The following UNC13B variants were observed in gnomAD, a reference collection of about 807,000 sequenced individuals.
UNC13B encodes the protein unc-13 homolog B.
A neutral mutation model predicts 211.0 loss-of-function variants in UNC13B; 144 were observed. That is an observed-to-expected ratio of 0.68 (90% confidence interval 0.60 to 0.78). The LOEUF (loss-of-function observed/expected upper bound fraction) is 0.78. Ranked by LOEUF, UNC13B falls within the 30% of genes least tolerant of loss-of-function variation. The pLI, the probability that UNC13B is intolerant of heterozygous loss-of-function variation, is 0.00. For missense variants in UNC13B, 1,777 were observed against 2,002.0 expected (o/e 0.89, Z 2.14); for synonymous variants, 709 against 725.8 (o/e 0.98, Z 0.37).
chr9:35,399,599 C>G (rs1251649548), intron 35 of UNC13B, 50 bp from the exon 36 acceptor site: 3 of 1,609,424 alleles, frequency 1.9e-6, no homozygotes, highest in Non-Finnish European at 2.6e-6. Flanking sequence ...GGGTGCAAGA[C>G]TTTCATGACT....
intron 10 of UNC13B, among the ~76,000 whole-genome samples, chr9:35,312,937 G>A (rs923433188): frequency 6.6e-6 from 1 of 152,120 alleles, no homozygotes; most frequent in Non-Finnish European, 1.5e-5. Context: ...TTCTTTCTTG[G>A]CACTTTTCAT....
In UNC13B at chr9:35,389,972, C is replaced by A; in HGVS notation, c.11221C>A (p.Gln3741Lys). The change falls in exon 25 of 40, where the codon CAG becomes AAG. Residue 3741 changes from glutamine (Q) to lysine (K), a missense_variant and splice_region_variant. Physicochemically the swap from Gln to Lys is moderately conservative, Grantham distance 53 (BLOSUM62 1). Coordinates refer to ENST00000635942, the MANE Select transcript of UNC13B (RefSeq NM_001371189.2). ...GAATTCCTACACACCTGTTCTGAAC[C>A]AGTGAGTATCACCCTCTTTGGCCCT... is the stretch of plus-strand genomic sequence containing the variant. ...DKNSYTPVLN[Q>K]FPQELNVGKV... is the part of the protein sequence containing the mutation. 6.2e-7 allele frequency: 1 copy of A among 1,613,992 alleles called. No homozygotes were observed. Among genetic ancestry groups the A allele is most frequent in the South Asian group, 1.1e-5 (1 of 91,060 alleles).
chr9:35,256,458 G>A (rs1266208947), intron 6 of UNC13B, among the ~76,000 whole-genome samples: 1 of 152,160 alleles, frequency 6.6e-6, no homozygotes, highest in African/African-American at 2.4e-5. Flanking sequence ...AAAGTATGCT[G>A]TTTGCCATGG....
intron 16 of UNC13B, 67 bp from the exon 17 acceptor site, chr9:35,378,228 C>T: frequency 6.3e-7 from 1 of 1,597,314 alleles, no homozygotes; most frequent in Non-Finnish European, 8.6e-7. Flanking sequence ...AGATGGAAAG[C>T]ATATGAGTAG....
intron 36 of UNC13B, 69 bp from the exon 37 acceptor site, chr9:35,400,227 G>A: frequency 1.3e-6 from 2 of 1,579,626 alleles, no homozygotes; most frequent in South Asian, 2.4e-5. Context: ...TTGCTTCTCT[G>A]AGGACAATGT....
chr9:35,346,582 T>C (rs1832370986), intron 11 of UNC13B, among the ~76,000 whole-genome samples: 1 of 152,238 alleles, frequency 6.6e-6, no homozygotes, highest in Non-Finnish European at 1.5e-5. Context: ...CATTTTGTTT[T>C]GATGTGCTCC....
intron 11 of UNC13B, among the ~76,000 whole-genome samples, chr9:35,328,074 G>A (rs1460722369): frequency 6.6e-6 from 1 of 152,110 alleles, no homozygotes; most frequent in Non-Finnish European, 1.5e-5. Context: ...AGGCTGTAGT[G>A]CAGTGGCTCG....
In UNC13B at chr9:35,308,246, G is replaced by A. The variant is rs756018191; in HGVS notation, c.8842G>A (p.Ala2948Thr). The A allele has an allele frequency of 6.3e-5, 25 of 399,022 alleles. No homozygotes were observed. The highest frequency in any genetic ancestry group is 1.4e-4 in the African/African-American group (7 of 48,606). 24.7% of individuals were successfully genotyped at this position (399,022 alleles called of 1,614,324 possible). ...WDTKANLSSP[A>T]CPSGKHEEEP... ...TACCAAAGCCAACCTGTCTAGCCCC[G>A]CCTGTCCTTCAGGGAAACATGAGGA... The change falls in exon 9 of 40, where the codon GCC becomes ACC. Residue 2948 changes from alanine (A) to threonine (T), a missense_variant. Transcript: ENST00000635942.
chr9:35,328,066 G>C (rs962542066), intron 11 of UNC13B, among the ~76,000 whole-genome samples: 2 of 152,056 alleles, frequency 1.3e-5, no homozygotes, highest in African/African-American at 4.8e-5. Context: ...TGTTGCCCAG[G>C]CTGTAGTGCA....
chr9:35,340,579 T>G (rs1017077150), intron 11 of UNC13B, among the ~76,000 whole-genome samples: 2 of 152,192 alleles, frequency 1.3e-5, no homozygotes, highest in Non-Finnish European at 2.9e-5. Flanking sequence ...TGGATTGCCA[T>G]GAGGAATGTT....
At chr9:35,245,636 T>G (rs566603491) in intron 6 of UNC13B, among the ~76,000 whole-genome samples, 1 of 151,996 alleles carries the variant, frequency 6.6e-6, no homozygotes, top group East Asian at 1.9e-4. Flanking sequence ...TTGCTGAGAA[T>G]GATGGTTTCC....
chr9:35,364,807 C>CA (rs1833671994), intron 11 of UNC13B, among the ~76,000 whole-genome samples: 1 of 152,180 alleles, frequency 6.6e-6, no homozygotes, highest in Non-Finnish European at 1.5e-5. Flanking sequence ...AATGTGTGTG[C>CA]ACCAGCATGG....
intron 7 of UNC13B, among the ~76,000 whole-genome samples, chr9:35,274,838 T>G (rs987824107): frequency 3.9e-5 from 6 of 152,206 alleles, no homozygotes; most frequent in Admixed American, 3.9e-4. Context: ...GCATCCAAAT[T>G]GCAGTGCTCC....
rs529818516 is a variant in UNC13B at position 35,383,646 on chromosome 9, TC to T, written c.10807-599del. On this transcript the variant is annotated intron_variant, in intron 21 of 39. Coordinates refer to ENST00000635942, the MANE Select transcript of UNC13B (RefSeq NM_001371189.2). ...TGATTCCACGTTTAATTATACTTTT[TC>T]TATGAAAATCAGCTATTAAAATAGT... Among the ~76,000 whole-genome samples the T allele has an allele frequency of 3.1e-3, 478 of 152,344 alleles. 2 individuals carry two copies. The highest frequency in any genetic ancestry group is 6.5e-3 in the Admixed American group (99 of 15,300).
rs1399796362 is a variant in UNC13B, at chr9:35,304,106, T to C, written c.4702T>C (p.Leu1568=). 2.5e-6 allele frequency: 1 copy of C among 398,700 alleles called. No homozygotes were observed. The highest frequency in any genetic ancestry group is 4.4e-6 in the Non-Finnish European group (1 of 225,884). The allele number at this position is 398,700 out of a possible 1,614,324, so 24.7% of individuals were successfully genotyped here. ...TTATCAAGAGTATTTGGATTGTGAT[T>C]TACAGACAAATGGTCTATCAAGTAT... The part of the protein sequence containing the change: ...DSYQEYLDCD[L]QTNGLSSITL... The change falls in exon 9 of 40, where the codon TTA becomes CTA. Residue 1568 remains leucine (L), a synonymous_variant. Coordinates refer to ENST00000635942, the MANE Select transcript of UNC13B (RefSeq NM_001371189.2).
rs1830004877 is a variant in UNC13B at position 35,307,900 on chromosome 9, A to C, written c.8496A>C (p.Ser2832=). 5.0e-6 allele frequency: 2 copies of C among 398,866 alleles called. No individual in the cohort carries two copies. The highest frequency in any genetic ancestry group is 2.1e-5 in the African/African-American group (1 of 48,626). The allele number at this position is 398,866 out of a possible 1,614,324, so 24.7% of individuals were successfully genotyped here. A position where few individuals can be genotyped will look rare whatever the true frequency, so the allele number is the denominator to read the frequency against. The change falls in exon 9 of 40, where the codon TCA becomes TCC. Residue 2832 remains serine (S), a synonymous_variant. Transcript: ENST00000635942. ...AAGGGAGTGTATTAGCAAGTGATTCAAAACTAGGATTTGGAAAGGTAGATC... is the reference window on the plus strand; with the variant it reads ...AAGGGAGTGTATTAGCAAGTGATTCCAAACTAGGATTTGGAAAGGTAGATC... ...EGKGSVLASD[S]KLGFGKVDLS...
In UNC13B at chr9:35,339,200, C is replaced by T. The variant is rs186455074; in HGVS notation, c.9414+25211C>T. The stretch of plus-strand genomic sequence containing the variant: ...GCATTTCACAGCTTCTGGATAAATG[C>T]CTTTTCCTTCTTAACCCAATCTGTT... On this transcript the variant is annotated intron_variant, in intron 11 of 39. Transcript: ENST00000635942. Among the ~76,000 whole-genome samples, 4 of 152,324 alleles carry T rather than the reference C, an allele frequency of 2.6e-5. No homozygotes were observed. In the East Asian group the frequency reaches 7.7e-4, roughly 29 times the overall value.
chr9:35,344,122 G>C (rs915925047), intron 11 of UNC13B, among the ~76,000 whole-genome samples: 3 of 152,092 alleles, frequency 2.0e-5, no homozygotes, highest in Admixed American at 2.0e-4. Flanking sequence ...GGTAGGGGAT[G>C]GGAGCCCTGT....
At chr9:35,284,019 G>A (rs4879888) in intron 7 of UNC13B, among the ~76,000 whole-genome samples, 7,457 of 152,236 alleles carry the variant, frequency 0.049, 418 homozygotes, top group East Asian at 0.3. Flanking sequence ...CAGAACTTTG[G>A]GAGGCTGAGG....
Sources: gnomAD v4.1 joint callset for allele counts (sites outside exome capture counted in the v4.1 genomes callset) on GRCh38, gnomAD v4.1.1 for gene constraint, MANE v1.5 for transcripts, NCBI Gene and HGNC (gene_info 2026-07-23, HGNC 2026-07-21) for gene names.